The following ZC3H12C variants were observed in gnomAD, a reference collection of about 807,000 sequenced individuals.
ZC3H12C encodes the protein probable ribonuclease ZC3H12C.
In ZC3H12C, 20 loss-of-function variants were observed where a neutral mutation model predicts 76.3. That is an observed-to-expected ratio of 0.26 (90% CI 0.18 to 0.38). The LOEUF (loss-of-function observed/expected upper bound fraction) is 0.38, where lower values mean the gene tolerates loss of function less well. ZC3H12C is among the 10% of genes least tolerant of loss of function. ZC3H12C has a pLI of 1.00. For synonymous variants in ZC3H12C, 352 were observed against 399.6 expected, an observed-to-expected ratio of 0.88 and a Z score of 1.42; for missense variants, 874 against 1,086.5, an observed-to-expected ratio of 0.80 and a Z score of 2.75.
At chr11:110,119,583 C>T (rs1323249297) in intron 1 of ZC3H12C, among the ~76,000 whole-genome samples, 1 of 152,212 alleles carries the variant, frequency 6.6e-6, no homozygotes, top group Non-Finnish European at 1.5e-5. Flanking sequence ...ACTCTCATCT[C>T]ACAGCTTTGT....
At chr11:110,138,472 T>A (rs1422811277) in intron 2 of ZC3H12C, among the ~76,000 whole-genome samples, 1 of 146,928 alleles carries the variant, frequency 6.8e-6, no homozygotes, top group Non-Finnish European at 1.5e-5. Flanking sequence ...ATGTGACTAA[T>A]GTATTTTGTT....
In ZC3H12C at chr11:110,164,963, C is replaced by A; in HGVS notation, c.1878C>A (p.Cys626Ter). 3 of 1,614,064 alleles carry A rather than the reference C, an allele frequency of 1.9e-6. No homozygotes were observed. Among genetic ancestry groups the A allele is most frequent in the Non-Finnish European group, 2.5e-6 (3 of 1,179,914 alleles). Reference sequence around the variant, plus strand: ...GAATAAGTTCCGTAGCTTCTGACTGCAGCAGTGAAGGGAGCATGAGCTGTG... The same window carrying A: ...GAATAAGTTCCGTAGCTTCTGACTGAAGCAGTGAAGGGAGCATGAGCTGTG... The part of the protein sequence containing the change: ...DYRISSVASD[C>*]SSEGSMSCGS... The change falls in exon 6 of 6, where the codon TGC becomes TGA. Residue 626 changes from cysteine (C) to a stop codon, truncating the protein, a stop_gained. Coordinates refer to ENST00000278590, the MANE Select transcript of ZC3H12C (RefSeq NM_033390.2). LOFTEE classifies it high-confidence loss of function. The surrounding 1 kb of genome is among the most constrained non-coding windows in gnomAD (Gnocchi z 5.7).
Position 110,162,458 on chromosome 11 carries a change from C to T in ZC3H12C, c.1149-815C>T, listed in dbSNP as rs569210176. Among the ~76,000 whole-genome samples the T allele has an allele frequency of 7.2e-5, 11 of 152,328 alleles. No homozygotes were observed. In the South Asian group the frequency reaches 2.3e-3, roughly 32 times the overall value. ...GTTCATACATTATTCCCATTATTCA[C>T]ATTTTATAGGTAAATACTTGGGTTT... On this transcript the variant is annotated intron_variant, in intron 4 of 5. Transcript: ENST00000278590.
At chr11:110,103,401 A>T (rs1861254806) in intron 1 of ZC3H12C, among the ~76,000 whole-genome samples, 1 of 152,246 alleles carries the variant, frequency 6.6e-6, no homozygotes, top group African/African-American at 2.4e-5. Flanking sequence ...AATAATATGT[A>T]GCCTATGATT....
intron 4 of ZC3H12C, among the ~76,000 whole-genome samples, chr11:110,163,014 GAATT>G (rs1259214455): frequency 6.6e-6 from 1 of 152,192 alleles, no homozygotes; most frequent in Non-Finnish European, 1.5e-5. Context: ...GAGGAAGGAA[GAATT>G]AATAGGACAT....
chr11:110,160,263 C>G (rs946722957), intron 4 of ZC3H12C, among the ~76,000 whole-genome samples: 1 of 152,198 alleles, frequency 6.6e-6, no homozygotes, highest in Non-Finnish European at 1.5e-5. Context: ...TAGGACATTA[C>G]TATAAACCAC....
rs1284795613 is a variant in ZC3H12C at position 110,117,904 on chromosome 11, CACAT to C, written c.22-18757_22-18754del. The stretch of plus-strand genomic sequence containing the variant: ...TATATATATTATATATATACACACA[CACAT>C]ATATATTATATATATACACACACAC... On this transcript the variant is annotated intron_variant, in intron 1 of 5. Transcript: ENST00000278590. Among the ~76,000 whole-genome samples the C allele has an allele frequency of 1.9e-3, 223 of 119,812 alleles. 14 individuals carry two copies. Among genetic ancestry groups the C allele is most frequent in the African/African-American group, 5.8e-3 (198 of 33,948 alleles). The allele number at this position is 119,812 out of a possible 152,430, so 78.6% of individuals were successfully genotyped here. A position where few individuals can be genotyped will look rare whatever the true frequency, so the allele number is the denominator to read the frequency against.
At chr11:110,158,130 G>A (rs1352913589) in intron 3 of ZC3H12C, among the ~76,000 whole-genome samples, 1 of 152,134 alleles carries the variant, frequency 6.6e-6, no homozygotes, top group African/African-American at 2.4e-5. Flanking sequence ...GGTTGAAAGA[G>A]AATTTTTATC....
chr11:110,106,454 G>A (rs1420150601), intron 1 of ZC3H12C, among the ~76,000 whole-genome samples: 1 of 152,184 alleles, frequency 6.6e-6, no homozygotes, highest in African/African-American at 2.4e-5. Context: ...TCAGAGAGAT[G>A]GAGATTGAGT....
intron 1 of ZC3H12C, among the ~76,000 whole-genome samples, chr11:110,100,084 TTAG>T (rs772085671): frequency 6.6e-6 from 1 of 152,178 alleles, no homozygotes; most frequent in Non-Finnish European, 1.5e-5. Context: ...TTTTACCTTG[TTAG>T]TAGTCTTTAG....
chr11:110,158,948 C>T (rs759316883), intron 3 of ZC3H12C, among the ~76,000 whole-genome samples: 17 of 152,176 alleles, frequency 1.1e-4, no homozygotes, highest in Non-Finnish European at 1.9e-4. Flanking sequence ...CCATAGTGGT[C>T]GTGTGATGAC....
Position 110,096,470 on chromosome 11 carries a change from C to T in ZC3H12C, c.21+3038C>T, listed in dbSNP as rs974709415. ...TGCATTATCTCATTTAACCCTTGAA[C>T]ACCTTTATGCATTGCTTCTATTATC... is the stretch of plus-strand genomic sequence containing the variant. On this transcript the variant is annotated intron_variant, in intron 1 of 5. Transcript: ENST00000278590. Among the ~76,000 whole-genome samples the T allele has an allele frequency of 6.6e-5, 10 of 152,296 alleles. No homozygotes were observed. The South Asian group carries it at 2.1e-3, about 32-fold the overall frequency.
chr11:110,112,321 C>T (rs565568625), intron 1 of ZC3H12C, among the ~76,000 whole-genome samples: 2 of 152,282 alleles, frequency 1.3e-5, no homozygotes, highest in East Asian at 1.9e-4. Flanking sequence ...ACCTCAGCCT[C>T]TCAAATAACT....
At position 110,171,015 on chromosome 11, in the gene ZC3H12C, A is replaced by G. The variant is rs904284365; in HGVS notation, c.*5278A>G. The G allele has an allele frequency of 6.6e-6, 1 of 152,198 alleles. No individual in the cohort carries two copies. The highest frequency in any genetic ancestry group is 1.5e-5 in the Non-Finnish European group (1 of 68,016). The allele number at this position is 152,198 out of a possible 1,614,324, so 9.4% of individuals were successfully genotyped here. ...GGCCATTTGGCAGTAGAAAATGTGCATGTTTTAACTTGGTTTTATAAAATC... is the reference window on the plus strand; with the variant it reads ...GGCCATTTGGCAGTAGAAAATGTGCGTGTTTTAACTTGGTTTTATAAAATC... On this transcript the variant is annotated 3_prime_UTR_variant, in exon 6 of 6. Transcript: ENST00000278590.
intron 1 of ZC3H12C, among the ~76,000 whole-genome samples, chr11:110,099,542 A>C (rs552490459): frequency 6.6e-6 from 1 of 152,292 alleles, no homozygotes; most frequent in South Asian, 2.1e-4. Flanking sequence ...CCTTACTGAG[A>C]AATAACTTCA....
intron 1 of ZC3H12C, among the ~76,000 whole-genome samples, chr11:110,095,177 TAAA>T (rs2134138073): frequency 6.6e-6 from 1 of 152,348 alleles, no homozygotes; most frequent in South Asian, 2.1e-4. Context: ...CCAGACTATA[TAAA>T]AATACCCTAT....
chr11:110,099,811 CAAA>C (rs34997254), intron 1 of ZC3H12C, among the ~76,000 whole-genome samples: 1 of 127,860 alleles, frequency 7.8e-6, no homozygotes, highest in Admixed American at 7.8e-5. Context: ...GACTCCATCT[CAAA>C]AAAAAAAAAA....
At position 110,135,320 on chromosome 11, in the gene ZC3H12C, T is replaced by C. The variant is rs1056584660; in HGVS notation, c.22-1343T>C. Reference sequence around the variant, plus strand: ...GCATGGCCAACGTGGCGAAACTTTGTCTCTACTAAAAATATAAAAATTAGC... The same window carrying C: ...GCATGGCCAACGTGGCGAAACTTTGCCTCTACTAAAAATATAAAAATTAGC... On this transcript the variant is annotated intron_variant, in intron 1 of 5. Transcript: ENST00000278590. Among the ~76,000 whole-genome samples the C allele has an allele frequency of 4.6e-5, 7 of 151,994 alleles. No individual in the cohort carries two copies. The East Asian group carries it at 1.4e-3, about 30-fold the overall frequency.
chr11:110,129,730 C>A (rs147076623), intron 1 of ZC3H12C, among the ~76,000 whole-genome samples: 1 of 152,060 alleles, frequency 6.6e-6, no homozygotes, highest in Non-Finnish European at 1.5e-5. Context: ...TTCTACATCA[C>A]GTAAGTAAAT....
Sources: gnomAD v4.1 joint callset for allele counts (sites outside exome capture counted in the v4.1 genomes callset) on GRCh38, gnomAD v4.1.1 for gene constraint, Gnocchi (gnomAD v3.1) non-coding constraint, MANE v1.5 for transcripts, NCBI Gene and HGNC (gene_info 2026-07-23, HGNC 2026-07-21) for gene names.